The following SLC39A14 variants were observed in gnomAD, a reference collection of about 807,000 sequenced individuals.
SLC39A14 encodes solute carrier family 39 member 14.
A neutral mutation model predicts 45.5 loss-of-function variants in SLC39A14; 19 were observed. The ratio of observed to expected loss-of-function variants is 0.42; its 90% CI spans 0.29 to 0.61. The LOEUF is 0.61. SLC39A14 is among the 20% of genes least tolerant of loss of function. The pLI is 0.22. For missense variants in SLC39A14, 447 were observed against 616.5 expected, an observed-to-expected ratio of 0.73 and a Z score of 2.91; for synonymous variants, 264 against 251.3, an observed-to-expected ratio of 1.05 and a Z score of -0.48.
At chr8:22,419,232 G>C (rs1317785087) in intron 8 of SLC39A14, among the ~76,000 whole-genome samples, 9 of 151,976 alleles carry the variant, frequency 5.9e-5, no homozygotes, top group Admixed American at 5.9e-4. Flanking sequence ...TTGCCCAGGC[G>C]GGAGTGCAGT....
intron 8 of SLC39A14, among the ~76,000 whole-genome samples, chr8:22,432,004 A>G (rs1836473837): frequency 6.6e-6 from 1 of 152,226 alleles, no homozygotes; most frequent in Non-Finnish European, 1.5e-5. Flanking sequence ...TGAGAAAGCA[A>G]TGAATGTTTA....
At chr8:22,424,067 C>G (rs1262550473), downstream of SLC39A14, among the ~76,000 whole-genome samples, 1 of 151,968 alleles carries the variant, frequency 6.6e-6, no homozygotes, top group African/African-American at 2.4e-5. Flanking sequence ...ATTATAGGCG[C>G]AGATCACCAA....
At chr8:22,432,694 C>T (rs1836485963) in intron 8 of SLC39A14, among the ~76,000 whole-genome samples, 2 of 146,712 alleles carry the variant, frequency 1.4e-5, no homozygotes, top group Admixed American at 6.9e-5. Context: ...GTTGCCCACG[C>T]TGGAGTGCAA....
chr8:22,411,990 C>A, intron 3 of SLC39A14, 47 bp from the exon 4 acceptor site: 1 of 1,518,264 alleles, frequency 6.6e-7, no homozygotes, highest in Non-Finnish European at 8.9e-7. Flanking sequence ...GGGCATGTGC[C>A]TTCTCTCCCT....
Position 22,415,790 on chromosome 8 carries a change from T to G in SLC39A14, c.772T>G (p.Tyr258Asp). 1 of 1,612,510 alleles carries G rather than the reference T, an allele frequency of 6.2e-7. No homozygotes were observed. Among genetic ancestry groups the G allele is most frequent in the Non-Finnish European group, 8.5e-7 (1 of 1,179,628 alleles). ...KNEHHHGHSH[Y>D]ASESLPSKKD... ...CCAGCATCATCATGGACACAGCCAT[T>G]ATGCCTCTGAGTCGCTTCCCTCCAA... Residue 258 changes from tyrosine (Y) to aspartate (D), a missense_variant, in exon 6 of 9, where the codon TAT becomes GAT. Physicochemically the swap from Tyr to Asp is radical, Grantham distance 160 (BLOSUM62 -3). This residue lies in a region of SLC39A14 where 342 missense variants were observed against 428.1 expected (regional missense o/e 0.80). Coordinates refer to ENST00000381237, the MANE Select transcript of SLC39A14 (RefSeq NM_001128431.4).
chr8:22,371,315 C>T (rs17060812), intron 1 of SLC39A14, among the ~76,000 whole-genome samples: 18,128 of 151,688 alleles, frequency 0.12, 2,017 homozygotes, highest in African/African-American at 0.29. Flanking sequence ...CATTTATTAC[C>T]GCCGAGTTCC....
intron 1 of SLC39A14, among the ~76,000 whole-genome samples, chr8:22,378,931 TTGG>T (rs1367537397): frequency 6.6e-6 from 1 of 152,182 alleles, no homozygotes; most frequent in Middle Eastern, 3.2e-3. Context: ...TACCAGAAAC[TTGG>T]TGGCTTAAAA....
chr8:22,367,620 G>T lies in SLC39A14; in HGVS notation c.-16+212G>T, dbSNP rs1380010297. 6.6e-6 allele frequency: 1 copy of T among 152,308 alleles called. No individual in the cohort carries two copies. The highest frequency in any genetic ancestry group is 2.4e-5 in the African/African-American group (1 of 41,468). 9.4% of individuals were successfully genotyped at this position (152,308 alleles called of 1,614,324 possible). A position where few individuals can be genotyped will look rare whatever the true frequency, so the allele number is the denominator to read the frequency against. The stretch of plus-strand genomic sequence containing the variant: ...GGAGAGGTCAAGGCGCGGCCTGTCC[G>T]CCTGGAGGGTGCGGGATGCTAGAGC... On this transcript the variant is annotated intron_variant, in intron 1 of 8. Transcript: ENST00000381237. The surrounding 1 kb of genome is among the most constrained non-coding windows in gnomAD (Gnocchi z 4.2).
chr8:22,368,486 C>A (rs866166732), intron 1 of SLC39A14, among the ~76,000 whole-genome samples: 13 of 147,528 alleles, frequency 8.8e-5, no homozygotes, highest in Admixed American at 6.8e-4. Context: ...ATCCTTCCCT[C>A]TTTTATTTTA....
chr8:22,425,119 G>C (rs1388864594), downstream of SLC39A14, among the ~76,000 whole-genome samples: 1 of 151,340 alleles, frequency 6.6e-6, no homozygotes, highest in Non-Finnish European at 1.5e-5. Flanking sequence ...AGCAGTTCCT[G>C]TTGTGTCTTC....
intron 1 of SLC39A14, among the ~76,000 whole-genome samples, chr8:22,377,992 C>A (rs1388009850): frequency 6.6e-6 from 1 of 152,204 alleles, no homozygotes; most frequent in Non-Finnish European, 1.5e-5. Flanking sequence ...TTTCCCGTTC[C>A]TAGCTTTAGA....
intron 3 of SLC39A14, 76 bp from the exon 4 acceptor site, chr8:22,411,961 T>G: frequency 7.4e-7 from 1 of 1,344,818 alleles, no homozygotes; most frequent in Non-Finnish European, 1.0e-6. Flanking sequence ...TCCCGCTAAA[T>G]GGTGGTTGCT....
intron 4 of SLC39A14, among the ~76,000 whole-genome samples, chr8:22,412,648 T>G (rs183936232): frequency 1.7e-4 from 26 of 152,136 alleles, no homozygotes; most frequent in Non-Finnish European, 5.9e-5. Flanking sequence ...CAGAGAAGTT[T>G]AAAAAACATC....
intron 3 of SLC39A14, among the ~76,000 whole-genome samples, chr8:22,409,273 T>C (rs542954586): frequency 5.3e-5 from 8 of 152,320 alleles, no homozygotes; most frequent in Non-Finnish European, 8.8e-5. Flanking sequence ...CTAAGCCCCA[T>C]AGGGCCGGCG....
rs544917349 is a variant in SLC39A14 at position 22,381,278 on chromosome 8, T to G, written c.-16+13870T>G. 1.3e-4 allele frequency among the ~76,000 whole-genome samples: 20 copies of G among 149,922 alleles called. No individual in the cohort carries two copies. The South Asian group carries it at 4.2e-3, about 32-fold the overall frequency. On this transcript the variant is annotated intron_variant, in intron 1 of 8. Coordinates refer to ENST00000381237, the MANE Select transcript of SLC39A14 (RefSeq NM_001128431.4). Reference sequence around the variant, plus strand: ...TGAGCCACCGCGCCCAGCCCTACTCTTTTTTTTTCTCCCCGAGACAGAGTC... The same window carrying G: ...TGAGCCACCGCGCCCAGCCCTACTCGTTTTTTTTCTCCCCGAGACAGAGTC...
chr8:22,387,687 A>G (rs920981086), intron 1 of SLC39A14, among the ~76,000 whole-genome samples: 3 of 152,168 alleles, frequency 2.0e-5, no homozygotes, highest in Non-Finnish European at 2.9e-5. Flanking sequence ...TGGGTGTGAT[A>G]TGAGCCAGAA....
At chr8:22,383,925 T>G (rs1472696378) in intron 1 of SLC39A14, among the ~76,000 whole-genome samples, 1 of 152,144 alleles carries the variant, frequency 6.6e-6, no homozygotes, top group East Asian at 1.9e-4. Context: ...CCCAGAAAGA[T>G]GCAAAAAGTA....
intron 1 of SLC39A14, among the ~76,000 whole-genome samples, chr8:22,369,033 T>G (rs908710917): frequency 6.6e-6 from 1 of 152,124 alleles, no homozygotes; most frequent in South Asian, 2.1e-4. Context: ...GCAGCTGGAA[T>G]TAAAAGCCAC....
chr8:22,393,288 G>T, intron 1 of SLC39A14: 1 of 962,730 alleles, frequency 1.0e-6, no homozygotes, highest in Non-Finnish European at 1.2e-6. Context: ...AGAATGGGCC[G>T]ATTAAGCCCC....
Sources: gnomAD v4.1 joint callset for allele counts (sites outside exome capture counted in the v4.1 genomes callset) on GRCh38, gnomAD v4.1.1 for gene constraint, gnomAD v4.1.1 regional missense constraint, Gnocchi (gnomAD v3.1) non-coding constraint, MANE v1.5 for transcripts, NCBI Gene and HGNC (gene_info 2026-07-23, HGNC 2026-07-21) for gene names.